ARHGEF28: variants seen among roughly 807,000 people sequenced by gnomAD.
ARHGEF28 encodes the protein 190 kDa guanine nucleotide exchange factor.
ARHGEF28 carries 152 observed loss-of-function variants against 206.6 expected under a neutral mutation model. The observed-to-expected ratio is 0.74, with a 90% CI of 0.64 to 0.84. The LOEUF is 0.84. Ranked by LOEUF, ARHGEF28 falls within the 40% of genes least tolerant of loss-of-function variation. The pLI is 0.00. For missense variants in ARHGEF28, 2,028 were observed against 2,073.2 expected (o/e 0.98, Z 0.42); for synonymous variants, 763 against 776.4 (o/e 0.98, Z 0.29).
In ARHGEF28 at chr5:73,772,735, G is replaced by A. The variant is rs1369414231; in HGVS notation, c.476-1120G>A. On this transcript the variant is annotated intron_variant, in intron 4 of 35. Transcript: ENST00000513042. ...GGGTGGGGCATGTTGGACAGGAAAG[G>A]AGCTTGATCAGGACTCGGGAAGGAT... Among the ~76,000 whole-genome samples the A allele has an allele frequency of 2.0e-5, 3 of 152,182 alleles. No individual in the cohort carries two copies. The East Asian group carries it at 5.8e-4, about 29-fold the overall frequency.
chr5:73,879,219 G>A (rs1255061986), intron 22 of ARHGEF28, among the ~76,000 whole-genome samples: 2 of 152,064 alleles, frequency 1.3e-5, no homozygotes, highest in African/African-American at 2.4e-5. Context: ...GATCGCATCG[G>A]CTCCTGAGGC....
At chr5:73,686,811 C>T (rs971523519) in intron 2 of ARHGEF28, among the ~76,000 whole-genome samples, 4 of 151,958 alleles carry the variant, frequency 2.6e-5, no homozygotes, top group African/African-American at 7.3e-5. Flanking sequence ...CGTGAGCCAC[C>T]GTGCCCAGCC....
At chr5:73,645,932 T>C (rs1024772391) in intron 1 of ARHGEF28, among the ~76,000 whole-genome samples, 1 of 152,116 alleles carries the variant, frequency 6.6e-6, no homozygotes, top group Non-Finnish European at 1.5e-5. Context: ...AAATGCCCAC[T>C]TGAAATCTAC....
At chr5:73,813,494 A>C in intron 9 of ARHGEF28, 1 of 1,510,568 alleles carries the variant, frequency 6.6e-7, no homozygotes, top group South Asian at 1.2e-5. Flanking sequence ...CCTTCCCTTT[A>C]CATCACATGG....
chr5:73,778,762 A>G (rs1306899935), intron 6 of ARHGEF28, among the ~76,000 whole-genome samples: 1 of 152,226 alleles, frequency 6.6e-6, no homozygotes, highest in Admixed American at 6.5e-5. Flanking sequence ...GGTGGTAATT[A>G]TTTTATAGGT....
At chr5:73,931,137 A>G (rs1464374617) in intron 35 of ARHGEF28, among the ~76,000 whole-genome samples, 4 of 152,200 alleles carry the variant, frequency 2.6e-5, no homozygotes, top group Non-Finnish European at 2.9e-5. Context: ...TTAGAATTCT[A>G]GAATACAAAA....
chr5:73,756,616 G>A (rs779288048), intron 4 of ARHGEF28, among the ~76,000 whole-genome samples: 3 of 152,154 alleles, frequency 2.0e-5, no homozygotes, highest in Non-Finnish European at 4.4e-5. Flanking sequence ...TCACACCTCA[G>A]TTCTGTTATG....
intron 2 of ARHGEF28, among the ~76,000 whole-genome samples, chr5:73,697,472 A>T (rs1198613330): frequency 6.6e-6 from 1 of 152,224 alleles, no homozygotes; most frequent in Non-Finnish European, 1.5e-5. Flanking sequence ...GGGCACGTGT[A>T]GTGAGAGCTG....
intron 1 of ARHGEF28, among the ~76,000 whole-genome samples, chr5:73,644,934 T>C (rs1234205901): frequency 1.3e-5 from 2 of 152,256 alleles, no homozygotes; most frequent in African/African-American, 4.8e-5. Flanking sequence ...ATTAGTTTGC[T>C]TCTCTGTACA....
intron 35 of ARHGEF28, among the ~76,000 whole-genome samples, chr5:73,927,021 A>G (rs1326390491): frequency 6.6e-6 from 1 of 152,130 alleles, no homozygotes. Flanking sequence ...AGGAGGCTTT[A>G]GTACAAACTT....
At chr5:73,647,869 G>T (rs541386083) in intron 1 of ARHGEF28, among the ~76,000 whole-genome samples, 1 of 152,346 alleles carries the variant, frequency 6.6e-6, no homozygotes, top group Admixed American at 6.5e-5. Context: ...ACATGTGCAT[G>T]TAATGATCTG....
chr5:73,828,540 C>G (rs1265869079), intron 9 of ARHGEF28, among the ~76,000 whole-genome samples: 4 of 137,762 alleles, frequency 2.9e-5, no homozygotes, highest in Non-Finnish European at 6.4e-5. Context: ...GAGCCATTAC[C>G]CGAGTGACAG....
At chr5:73,728,700 C>G (rs1750426950) in intron 2 of ARHGEF28, among the ~76,000 whole-genome samples, 1 of 152,106 alleles carries the variant, frequency 6.6e-6, no homozygotes. Flanking sequence ...TTGGAGAACC[C>G]TGATGAGATC....
At chr5:73,909,973 CA>C (rs544222092) in intron 34 of ARHGEF28, 76 bp downstream of exon 34, 963 of 1,426,002 alleles carry the variant, frequency 6.8e-4, no homozygotes, top group Non-Finnish European at 8.2e-4. Flanking sequence ...GGACACTAAC[CA>C]AACATCTGTC....
intron 9 of ARHGEF28, among the ~76,000 whole-genome samples, chr5:73,806,104 T>G (rs1299292610): frequency 6.6e-6 from 1 of 151,258 alleles, no homozygotes; most frequent in East Asian, 1.9e-4. Context: ...TTTACATAGT[T>G]AACTATAGTT....
At chr5:73,746,924 C>G (rs753620539) in intron 2 of ARHGEF28, among the ~76,000 whole-genome samples, 5 of 152,120 alleles carry the variant, frequency 3.3e-5, no homozygotes, top group East Asian at 3.8e-4. Flanking sequence ...CATTTCGATT[C>G]TAGTGTATTT....
chr5:73,917,044 G>C (rs1191246552), intron 35 of ARHGEF28, among the ~76,000 whole-genome samples: 2 of 152,168 alleles, frequency 1.3e-5, no homozygotes, highest in Non-Finnish European at 2.9e-5. Context: ...AACTAGAGCA[G>C]AAAATATTGA....
chr5:73,676,912 C>T (rs116479975), intron 1 of ARHGEF28, among the ~76,000 whole-genome samples: 2,346 of 152,214 alleles, frequency 0.015, 52 homozygotes, highest in African/African-American at 0.053. Context: ...TCTCATCGAA[C>T]GATAGCTTCA....
At chr5:73,776,281 A>G (rs1753536603) in intron 5 of ARHGEF28, among the ~76,000 whole-genome samples, 1 of 152,228 alleles carries the variant, frequency 6.6e-6, no homozygotes, top group Non-Finnish European at 1.5e-5. Flanking sequence ...GTAAACCTTT[A>G]AAGTATGTAG....
Sources: allele counts gnomAD v4.1 joint callset (sites outside exome capture counted in the v4.1 genomes callset), GRCh38; gene constraint gnomAD v4.1.1; transcripts MANE v1.5; gene names NCBI Gene and HGNC (gene_info 2026-07-23, HGNC 2026-07-21).